SGCD: variants seen among roughly 807,000 people sequenced by gnomAD.
SGCD encodes delta-sarcoglycan.
In SGCD, 18 loss-of-function variants were observed where a neutral mutation model predicts 36.6. That is an observed-to-expected ratio of 0.49 (90% CI 0.34 to 0.73). SGCD has a LOEUF of 0.73. Among genes scored for constraint, SGCD ranks in the 30% least tolerant of loss-of-function variants. The pLI is 0.01. For missense variants in SGCD, 387 were observed against 346.7 expected, an observed-to-expected ratio of 1.12 and a Z score of -0.92; for synonymous variants, 133 against 130.6, an observed-to-expected ratio of 1.02 and a Z score of -0.12.
intron 1 of SGCD, among the ~76,000 whole-genome samples, chr5:155,951,076 G>A (rs1757538191): frequency 6.6e-6 from 1 of 152,130 alleles, no homozygotes; most frequent in South Asian, 2.1e-4. Flanking sequence ...GGAGAAATCA[G>A]GAACATCTCT....
At chr5:156,016,619 T>G (rs557609214) in intron 1 of SGCD, among the ~76,000 whole-genome samples, 233 of 152,276 alleles carry the variant, frequency 1.5e-3, no homozygotes, top group African/African-American at 5.5e-3. Flanking sequence ...TTTCTTACTT[T>G]CTCTTGTTTC....
chr5:156,488,196 A>C (rs1283367696), intron 3 of SGCD, among the ~76,000 whole-genome samples: 1 of 150,264 alleles, frequency 6.7e-6, no homozygotes, highest in Non-Finnish European at 1.5e-5. Flanking sequence ...GGACACCATG[A>C]ATATTAGAAT....
At chr5:156,470,016 A>T (rs1304430910) in intron 3 of SGCD, among the ~76,000 whole-genome samples, 1 of 152,236 alleles carries the variant, frequency 6.6e-6, no homozygotes, top group African/African-American at 2.4e-5. Flanking sequence ...TTTCTGCAGT[A>T]ATCAGCTTCT....
chr5:156,303,616 C>A (rs1767118325), intron 3 of SGCD, among the ~76,000 whole-genome samples: 1 of 151,458 alleles, frequency 6.6e-6, no homozygotes, highest in African/African-American at 2.4e-5. Context: ...TAGGTCTCAC[C>A]TGAGGCCCTT....
chr5:156,682,932 C>T (rs904801112), intron 7 of SGCD, among the ~76,000 whole-genome samples: 1 of 152,180 alleles, frequency 6.6e-6, no homozygotes, highest in Non-Finnish European at 1.5e-5. Flanking sequence ...CCCGTGCATC[C>T]TCTTCTTTGC....
chr5:156,595,042 C>G lies in SGCD; in HGVS notation c.493C>G (p.Arg165Gly), dbSNP rs121909295. 1 of 1,611,054 alleles carries G rather than the reference C, an allele frequency of 6.2e-7. No individual in the cohort carries two copies. Among genetic ancestry groups the G allele is most frequent in the South Asian group, 1.1e-5 (1 of 90,580 alleles). Residue 165 changes from arginine (R) to glycine (G), a missense_variant, in exon 6 of 9, where the codon CGA becomes GGA. By Grantham distance (125) the Arg-to-Gly change is moderately radical. Coordinates refer to ENST00000337851, the MANE Select transcript of SGCD (RefSeq NM_000337.6). ...NEVVVGAERL[R>G]VLGAEGTVFP... ...AGTGGTAGTAGGAGCTGAAAGATTA[C>G]GAGTTTTAGGTAAGGAAACTTGAAT... is the stretch of plus-strand genomic sequence containing the variant.
At chr5:155,965,391 C>A (rs370441485) in intron 1 of SGCD, among the ~76,000 whole-genome samples, 3 of 152,162 alleles carry the variant, frequency 2.0e-5, no homozygotes, top group East Asian at 3.9e-4. Context: ...TTGTCTTTGC[C>A]TCTTATGTCA....
chr5:156,735,438 G>A (rs138270233), intron 7 of SGCD, among the ~76,000 whole-genome samples: 263 of 152,244 alleles, frequency 1.7e-3, no homozygotes, highest in African/African-American at 6.0e-3. Context: ...GGAGAGCACT[G>A]GCAGGGGTGG....
chr5:156,170,326 A>G (rs1763312980), intron 3 of SGCD, among the ~76,000 whole-genome samples: 1 of 152,228 alleles, frequency 6.6e-6, no homozygotes, highest in Non-Finnish European at 1.5e-5. Flanking sequence ...GAATGATATT[A>G]ATTATGGAAA....
intron 4 of SGCD, among the ~76,000 whole-genome samples, chr5:156,537,332 C>G (rs1581133985): frequency 6.6e-6 from 1 of 152,142 alleles, no homozygotes; most frequent in East Asian, 1.9e-4. Flanking sequence ...CCTATCCTGC[C>G]TCTAGTACCT....
intron 1 of SGCD, among the ~76,000 whole-genome samples, chr5:155,956,070 T>C (rs984677925): frequency 6.6e-6 from 1 of 152,038 alleles, no homozygotes; most frequent in Non-Finnish European, 1.5e-5. Flanking sequence ...TAGATTTCTT[T>C]TTTCAGTATC....
intron 1 of SGCD, among the ~76,000 whole-genome samples, chr5:155,892,494 G>A (rs74295103): frequency 0.19 from 27,498 of 145,606 alleles, 3,383 homozygotes; most frequent in Admixed American, 0.41. Context: ...AGGACCAATT[G>A]ATGCTATAGG....
chr5:155,968,338 C>T lies in SGCD; in HGVS notation c.-282+97914C>T, dbSNP rs73810379. On this transcript the variant is annotated intron_variant, in intron 1 of 9. Transcript: ENST00000517913. ...TGGACTCAGTTCTTGAGATACTTATCGTTTTAGTCATTTTTATTTACTATA... is the reference window on the plus strand; with the variant it reads ...TGGACTCAGTTCTTGAGATACTTATTGTTTTAGTCATTTTTATTTACTATA... Among the ~76,000 whole-genome samples, 913 of 152,136 alleles carry T rather than the reference C, an allele frequency of 6.0e-3. 11 individuals carry two copies. Among genetic ancestry groups the T allele is most frequent in the African/African-American group, 0.021 (858 of 41,522 alleles).
At chr5:156,358,321 C>G (rs1226926470) in intron 3 of SGCD, among the ~76,000 whole-genome samples, 3 of 152,124 alleles carry the variant, frequency 2.0e-5, no homozygotes, top group Non-Finnish European at 2.9e-5. Flanking sequence ...GCATTGCAAT[C>G]CTTGGCAGGG....
chr5:156,178,035 C>T (rs370550314), intron 3 of SGCD, among the ~76,000 whole-genome samples: 11 of 152,144 alleles, frequency 7.2e-5, no homozygotes, highest in Admixed American at 2.0e-4. Context: ...GTGATCAGAG[C>T]ACTGATGTTA....
At chr5:155,793,750 T>C in the SGCD span, among the ~76,000 whole-genome samples, 1 of 151,924 alleles carries the variant, frequency 6.6e-6, no homozygotes, top group East Asian at 1.9e-4. Context: ...GGATTCACCA[T>C]GTTAGCCAGG....
intron 4 of SGCD, among the ~76,000 whole-genome samples, chr5:156,568,122 G>T (rs1006115885): frequency 1.3e-5 from 2 of 152,150 alleles, no homozygotes; most frequent in African/African-American, 4.8e-5. Context: ...GGGTGTGGTG[G>T]CTCACTCCTA....
At chr5:156,098,131 C>T (rs1459647344) in intron 1 of SGCD, among the ~76,000 whole-genome samples, 1 of 152,186 alleles carries the variant, frequency 6.6e-6, no homozygotes, top group Non-Finnish European at 1.5e-5. Flanking sequence ...TTTGAGTCCA[C>T]AGGAATAAAG....
intron 4 of SGCD, among the ~76,000 whole-genome samples, chr5:156,575,731 C>T (rs565802416): frequency 1.3e-5 from 2 of 151,118 alleles, no homozygotes; most frequent in South Asian, 2.1e-4. Flanking sequence ...TAAAATGGGT[C>T]CCATTAACAT....
Sources: allele counts gnomAD v4.1 joint callset (sites outside exome capture counted in the v4.1 genomes callset), GRCh38; gene constraint gnomAD v4.1.1; transcripts MANE v1.5; gene names NCBI Gene and HGNC (gene_info 2026-07-23, HGNC 2026-07-21).